Variants in PHACTR1 observed in about 807,000 individuals in gnomAD.
The protein encoded by PHACTR1 is phosphatase and actin regulator 1, also known as RPEL repeat containing 1.
In PHACTR1, 16 loss-of-function variants were observed where a neutral mutation model predicts 69.2. That is an observed-to-expected ratio of 0.23 (90% CI 0.16 to 0.35). The LOEUF is 0.35. Among genes scored for constraint, PHACTR1 ranks in the 10% least tolerant of loss-of-function variants. PHACTR1 has a pLI of 1.00. For missense variants in PHACTR1, 510 were observed against 734.7 expected (o/e 0.69, Z 3.54); for synonymous variants, 312 against 284.5 (o/e 1.10, Z -0.97).
At chr6:12,778,196 C>G (rs539149524) in intron 4 of PHACTR1, among the ~76,000 whole-genome samples, 14 of 152,318 alleles carry the variant, frequency 9.2e-5, no homozygotes, top group Admixed American at 7.8e-4. Flanking sequence ...TGTACATATA[C>G]AAACCTGGTT....
chr6:13,135,190 G>C (rs1388579326), intron 5 of PHACTR1, among the ~76,000 whole-genome samples: 2 of 152,150 alleles, frequency 1.3e-5, no homozygotes, highest in Admixed American at 1.3e-4. Context: ...CTGTGAATCA[G>C]GATTTGCCAC....
Position 13,283,759 on chromosome 6 carries a change from C to G in PHACTR1, c.1650+197C>G. The G allele has an allele frequency of 1.3e-6, 1 of 743,452 alleles. No homozygotes were observed. The highest frequency in any genetic ancestry group is 2.2e-6 in the Non-Finnish European group (1 of 460,468). The allele number at this position is 743,452 out of a possible 1,614,324, so 46.1% of individuals were successfully genotyped here. A position where few individuals can be genotyped will look rare whatever the true frequency, so the allele number is the denominator to read the frequency against. On this transcript the variant is annotated intron_variant, in intron 13 of 14. Transcript: ENST00000332995. The surrounding 1 kb of genome is among the most constrained non-coding windows in gnomAD (Gnocchi z 4.7). Reference sequence around the variant, plus strand: ...AAAGGCTGCTGAATCGGAGAAAACACAAGGCACATAATACTGTGCCCATTT... The same window carrying G: ...AAAGGCTGCTGAATCGGAGAAAACAGAAGGCACATAATACTGTGCCCATTT...
chr6:12,795,174 T>C (rs1772821012), intron 4 of PHACTR1, among the ~76,000 whole-genome samples: 1 of 152,108 alleles, frequency 6.6e-6, no homozygotes, highest in Non-Finnish European at 1.5e-5. Flanking sequence ...AGCAAGGATC[T>C]AGAATAAAAA....
chr6:13,127,413 C>A (rs112749745), intron 5 of PHACTR1, among the ~76,000 whole-genome samples: 8,427 of 151,972 alleles, frequency 0.055, 329 homozygotes, highest in Non-Finnish European at 0.087. Context: ...ACAACAACAA[C>A]AAAAAAATTA....
chr6:12,805,655 C>CAATG (rs1774231652), intron 4 of PHACTR1, among the ~76,000 whole-genome samples: 1 of 151,210 alleles, frequency 6.6e-6, no homozygotes, highest in Non-Finnish European at 1.5e-5. Context: ...GGCTGGAGTG[C>CAATG]AATGGCAAGA....
intron 5 of PHACTR1, among the ~76,000 whole-genome samples, chr6:13,068,035 G>T (rs534486498): frequency 7.2e-5 from 11 of 152,268 alleles, no homozygotes; most frequent in African/African-American, 2.6e-4. Context: ...TGGCACCTTA[G>T]GCTAGGCACG....
At chr6:12,856,960 G>C (rs1210302953) in intron 4 of PHACTR1, among the ~76,000 whole-genome samples, 1 of 152,206 alleles carries the variant, frequency 6.6e-6, no homozygotes, top group Non-Finnish European at 1.5e-5. Flanking sequence ...CTTGAAAATT[G>C]AGGCTTCGGT....
At chr6:12,864,952 ATT>A (rs2127431092) in intron 4 of PHACTR1, among the ~76,000 whole-genome samples, 1 of 152,272 alleles carries the variant, frequency 6.6e-6, no homozygotes, top group South Asian at 2.1e-4. Flanking sequence ...ACTGTTCTTC[ATT>A]GCTATCTACA....
chr6:13,021,393 G>A (rs1253910878), intron 4 of PHACTR1, among the ~76,000 whole-genome samples: 1 of 152,162 alleles, frequency 6.6e-6, no homozygotes, highest in African/African-American at 2.4e-5. Context: ...TTCATTGTAT[G>A]GATATATCAC....
intron 4 of PHACTR1, among the ~76,000 whole-genome samples, chr6:12,952,584 T>C (rs1424975534): frequency 6.6e-6 from 1 of 152,220 alleles, no homozygotes; most frequent in African/African-American, 2.4e-5. Flanking sequence ...AATACTCTAT[T>C]GTCCAGATGT....
At chr6:12,790,394 G>T (rs992334380) in intron 4 of PHACTR1, among the ~76,000 whole-genome samples, 2 of 152,162 alleles carry the variant, frequency 1.3e-5, no homozygotes, top group Non-Finnish European at 2.9e-5. Context: ...TGCCTGGAAT[G>T]CTCTTTTCCA....
chr6:13,003,619 G>A (rs1390362553), intron 4 of PHACTR1, among the ~76,000 whole-genome samples: 3 of 151,916 alleles, frequency 2.0e-5, no homozygotes, highest in East Asian at 1.9e-4. Flanking sequence ...GGAAGTATAA[G>A]TGTCATTTTT....
chr6:12,871,974 C>T (rs777682240), intron 4 of PHACTR1, among the ~76,000 whole-genome samples: 1 of 151,520 alleles, frequency 6.6e-6, no homozygotes, highest in Non-Finnish European at 1.5e-5. Context: ...CTTTTATCTA[C>T]CAATTTTCAG....
At chr6:12,740,933 A>AT (rs1186620580) in intron 3 of PHACTR1, among the ~76,000 whole-genome samples, 3 of 151,458 alleles carry the variant, frequency 2.0e-5, no homozygotes, top group African/African-American at 7.3e-5. Context: ...TTAATCATTG[A>AT]TTTTTTTCTT....
chr6:13,070,022 G>A lies in PHACTR1; in HGVS notation c.415+16493G>A, dbSNP rs137983992. ...AAGTCCAACTTCTGCCCTGAGACCAGCCCTCTGCAGAACTTCAAATAAGTA... is the reference window on the plus strand; with the variant it reads ...AAGTCCAACTTCTGCCCTGAGACCAACCCTCTGCAGAACTTCAAATAAGTA... On this transcript the variant is annotated intron_variant, in intron 5 of 14. Coordinates refer to ENST00000332995, the MANE Select transcript of PHACTR1 (RefSeq NM_030948.6). Among the ~76,000 whole-genome samples, 536 of 152,264 alleles carry A rather than the reference G, an allele frequency of 3.5e-3. 8 individuals are homozygous for A. Among genetic ancestry groups the A allele is most frequent in the African/African-American group, 0.012 (516 of 41,536 alleles).
intron 5 of PHACTR1, among the ~76,000 whole-genome samples, chr6:13,149,110 CT>C (rs1356111810): frequency 1.3e-5 from 2 of 151,730 alleles, no homozygotes; most frequent in Admixed American, 6.6e-5. Context: ...AGCACGGCCC[CT>C]GCTGAGCGAG....
At chr6:12,770,428 G>A (rs1342499612) in intron 4 of PHACTR1, among the ~76,000 whole-genome samples, 1 of 152,178 alleles carries the variant, frequency 6.6e-6, no homozygotes, top group Non-Finnish European at 1.5e-5. Flanking sequence ...GGCCCAGTCT[G>A]GGAGAGTGAG....
At chr6:13,118,087 A>G (rs1018349234) in intron 5 of PHACTR1, among the ~76,000 whole-genome samples, 4 of 152,232 alleles carry the variant, frequency 2.6e-5, no homozygotes, top group African/African-American at 9.6e-5. Context: ...GTCTGTTTCT[A>G]CCGATGAATT....
chr6:12,751,354 T>C (rs1323110286), intron 4 of PHACTR1, among the ~76,000 whole-genome samples: 3 of 152,226 alleles, frequency 2.0e-5, no homozygotes, highest in African/African-American at 7.2e-5. Flanking sequence ...GAATTGTTAA[T>C]CCCCTACTTC....
Sources: gnomAD v4.1 joint callset for allele counts (sites outside exome capture counted in the v4.1 genomes callset) on GRCh38, gnomAD v4.1.1 for gene constraint, Gnocchi (gnomAD v3.1) non-coding constraint, MANE v1.5 for transcripts, NCBI Gene and HGNC (gene_info 2026-07-23, HGNC 2026-07-21) for gene names.